The following IGSF11 variants were observed in gnomAD, a reference collection of about 807,000 sequenced individuals.
IGSF11 encodes CXADR like 1.
Under a neutral mutation model 41.0 loss-of-function variants are expected in IGSF11, and 22 were observed. The observed-to-expected ratio is 0.54, with a 90% CI of 0.38 to 0.77. IGSF11 has a LOEUF of 0.77. Ranked by LOEUF, IGSF11 falls within the 30% of genes least tolerant of loss-of-function variation. The pLI, the probability that IGSF11 is intolerant of heterozygous loss-of-function variation, is 0.00. For missense variants in IGSF11, 444 were observed against 530.8 expected (o/e 0.84, Z 1.61); for synonymous variants, 219 against 201.3 (o/e 1.09, Z -0.74).
intron 1 of IGSF11, among the ~76,000 whole-genome samples, chr3:119,005,912 C>T (rs1442016121): frequency 3.6e-5 from 5 of 137,576 alleles, no homozygotes. Context: ...TCCTTCATTT[C>T]AACTTTGGTG....
intron 1 of IGSF11, among the ~76,000 whole-genome samples, chr3:118,958,853 G>A (rs1432705534): frequency 1.3e-5 from 2 of 152,162 alleles, no homozygotes; most frequent in Non-Finnish European, 2.9e-5. Context: ...TATTTATTAA[G>A]GGTGAGTTTT....
chr3:118,933,532 A>T (rs1462172131), intron 1 of IGSF11, among the ~76,000 whole-genome samples: 1 of 151,432 alleles, frequency 6.6e-6, no homozygotes, highest in Non-Finnish European at 1.5e-5. Context: ...ATTTAATCCT[A>T]TAAGGTACTT....
intron 1 of IGSF11, among the ~76,000 whole-genome samples, chr3:119,025,699 G>A (rs1939753041): frequency 6.6e-6 from 1 of 151,814 alleles, no homozygotes; most frequent in Non-Finnish European, 1.5e-5. Context: ...CAGACATACT[G>A]GGTTTGAATT....
intron 4 of IGSF11, among the ~76,000 whole-genome samples, chr3:118,915,356 GA>G (rs1198526870): frequency 1.3e-5 from 1 of 77,344 alleles, no homozygotes; most frequent in Non-Finnish European, 2.2e-5. Context: ...TGAAAACTTT[GA>G]AAAAAATTTA....
At position 118,902,845 on chromosome 3, in the gene IGSF11, T is replaced by C; in HGVS notation, c.971A>G (p.Asn324Ser). 1 of 1,614,170 alleles carries C rather than the reference T, an allele frequency of 6.2e-7. No individual in the cohort carries two copies. The highest frequency in any genetic ancestry group is 8.5e-7 in the Non-Finnish European group (1 of 1,179,998). ...SNAYNSRYWS[N>S]NPKVHRNTES... ...TGTGTTTCTATGAACTTTTGGATTG[T>C]TGCTCCAGTATCGACTGTTGTAGGC... The change falls in exon 7 of 7, where the codon AAC becomes AGC. Residue 324 changes from asparagine to serine, a missense_variant. Physicochemically the swap from Asn to Ser is conservative, Grantham distance 46. Around this residue, in one of 3 missense-constraint regions of IGSF11, gnomAD observed 223 missense variants for 226.2 expected, o/e 0.99. Coordinates refer to ENST00000393775, the MANE Select transcript of IGSF11 (RefSeq NM_001015887.3).
At chr3:119,026,687 T>C (rs1277664662) in intron 1 of IGSF11, among the ~76,000 whole-genome samples, 1 of 152,220 alleles carries the variant, frequency 6.6e-6, no homozygotes, top group Non-Finnish European at 1.5e-5. Flanking sequence ...CCTTTTGTAA[T>C]ATTCTGTGTG....
chr3:119,042,336 C>G (rs1315445342), intron 1 of IGSF11, among the ~76,000 whole-genome samples: 1 of 152,190 alleles, frequency 6.6e-6, no homozygotes, highest in African/African-American at 2.4e-5. Context: ...GCCTGAGAGC[C>G]CTGCTTGTTT....
intron 1 of IGSF11, among the ~76,000 whole-genome samples, chr3:118,980,153 T>G (rs1934563751): frequency 6.6e-6 from 1 of 152,060 alleles, no homozygotes; most frequent in Non-Finnish European, 1.5e-5. Flanking sequence ...TACCATACAA[T>G]CCAGCAATCC....
chr3:118,978,338 A>T (rs1408104920), intron 1 of IGSF11, among the ~76,000 whole-genome samples: 1 of 152,044 alleles, frequency 6.6e-6, no homozygotes, highest in African/African-American at 2.4e-5. Context: ...AGCACAGACC[A>T]CTTGGGTTTC....
chr3:118,981,673 C>G (rs1934734896), intron 1 of IGSF11: 1 of 152,334 alleles, frequency 6.6e-6, no homozygotes, highest in Non-Finnish European at 1.5e-5. Flanking sequence ...ACCTCCACAC[C>G]CCATACATAC....
intron 1 of IGSF11, among the ~76,000 whole-genome samples, chr3:119,045,880 G>T (rs1471297388): frequency 6.6e-6 from 1 of 152,012 alleles, no homozygotes; most frequent in Non-Finnish European, 1.5e-5. Flanking sequence ...CCCAGCAGGG[G>T]CACAGTGACA....
chr3:119,059,197 A>G (rs1411369583), intron 1 of IGSF11, among the ~76,000 whole-genome samples: 1 of 151,280 alleles, frequency 6.6e-6, no homozygotes, highest in Non-Finnish European at 1.5e-5. Context: ...ACACACACAC[A>G]CACACACACA....
At chr3:119,003,399 A>T (rs1480842460) in intron 1 of IGSF11, among the ~76,000 whole-genome samples, 7 of 148,760 alleles carry the variant, frequency 4.7e-5, no homozygotes, top group South Asian at 2.1e-4. Flanking sequence ...TTTCCAGATA[A>T]ACAATCATGT....
intron 1 of IGSF11, among the ~76,000 whole-genome samples, chr3:118,963,150 G>A (rs150595337): frequency 5.9e-5 from 9 of 152,218 alleles, no homozygotes; most frequent in East Asian, 1.9e-4. Flanking sequence ...TGTCATACCC[G>A]CTTAAAATGC....
chr3:119,019,191 C>G (rs1559800112), intron 1 of IGSF11, among the ~76,000 whole-genome samples: 1 of 151,926 alleles, frequency 6.6e-6, no homozygotes, highest in Non-Finnish European at 1.5e-5. Context: ...AAAATTGGTG[C>G]ATCTGGCCAG....
intron 1 of IGSF11, among the ~76,000 whole-genome samples, chr3:119,074,995 C>T (rs539630606): frequency 2.6e-4 from 39 of 151,918 alleles, no homozygotes; most frequent in African/African-American, 8.7e-4. Flanking sequence ...AAAGGTGAAA[C>T]GAATGAAATG....
chr3:118,932,731 G>A (rs1354326284), intron 1 of IGSF11, among the ~76,000 whole-genome samples: 1 of 152,174 alleles, frequency 6.6e-6, no homozygotes, highest in Non-Finnish European at 1.5e-5. Flanking sequence ...AATAAATGCT[G>A]ATAGAGATGT....
chr3:118,989,518 AATTTTTGT>A (rs989594993), intron 1 of IGSF11, among the ~76,000 whole-genome samples: 4 of 151,914 alleles, frequency 2.6e-5, no homozygotes, highest in Admixed American at 2.6e-4. Context: ...ACGCCCAGCT[AATTTTTGT>A]ATTTTTAGTA....
intron 1 of IGSF11, among the ~76,000 whole-genome samples, chr3:118,948,967 G>A (rs1338113804): frequency 1.6e-5 from 2 of 121,230 alleles, no homozygotes; most frequent in Admixed American, 7.9e-5. Flanking sequence ...GCGAGACTCC[G>A]TCTCAAAAAA....
Sources: gnomAD v4.1 joint callset for allele counts (sites outside exome capture counted in the v4.1 genomes callset) on GRCh38, gnomAD v4.1.1 for gene constraint, gnomAD v4.1.1 regional missense constraint, MANE v1.5 for transcripts, NCBI Gene and HGNC (gene_info 2026-07-23, HGNC 2026-07-21) for gene names.